WDR27: variants seen among roughly 807,000 people sequenced by gnomAD.
The protein encoded by WDR27 is WD repeat-containing protein 27.
A neutral mutation model predicts 114.4 loss-of-function variants in WDR27; 100 were observed. That is an observed-to-expected ratio of 0.87 (90% CI 0.74 to 1.03). The LOEUF (loss-of-function observed/expected upper bound fraction) is 1.03. Ranked by LOEUF, WDR27 falls within the 50% of genes least tolerant of loss-of-function variation. WDR27 has a pLI of 0.00. For missense variants in WDR27, 1,129 were observed against 1,092.9 expected (o/e 1.03, Z -0.47); for synonymous variants, 449 against 423.1 (o/e 1.06, Z -0.75).
At chr6:169,635,442 G>A (rs1258146933) in intron 19 of WDR27, among the ~76,000 whole-genome samples, 1 of 152,178 alleles carries the variant, frequency 6.6e-6, no homozygotes, top group Non-Finnish European at 1.5e-5. Context: ...CTGAGGGAGG[G>A]GCCGCAGGAG....
intron 25 of WDR27, among the ~76,000 whole-genome samples, chr6:169,554,260 G>A (rs1030930861): frequency 1.4e-4 from 21 of 152,302 alleles, no homozygotes; most frequent in African/African-American, 3.1e-4. Context: ...AGGACTCAGC[G>A]GCTGGGTGGG....
Position 169,651,988 on chromosome 6 carries a change from C to G in WDR27, c.1423G>C (p.Asp475His). Residue 475 changes from aspartate (D) to histidine (H), a missense_variant, in exon 14 of 26, where the codon GAC becomes CAC. Physicochemically the swap from Asp to His is moderately conservative, Grantham distance 81 (BLOSUM62 -1). Coordinates refer to ENST00000448612, the MANE Select transcript of WDR27 (RefSeq NM_182552.5). Reference protein sequence around the residue: ...QRRAARNVMKDQRLVFHSKVR... With the variant: ...QRRAARNVMKHQRLVFHSKVR... ...TTACTATGGAAAACCAGGCGTTGGT[C>G]CTTCATGACGTTCCGTGCAGCTGTG... The G allele has an allele frequency of 1.2e-6, 2 of 1,613,804 alleles. No individual in the cohort carries two copies. Among genetic ancestry groups the G allele is most frequent in the Non-Finnish European group, 1.7e-6 (2 of 1,179,860 alleles).
chr6:169,650,595 TCCCTCCATC>T (rs1378629877), intron 14 of WDR27, among the ~76,000 whole-genome samples: 1 of 144,434 alleles, frequency 6.9e-6, no homozygotes, highest in African/African-American at 2.6e-5. Context: ...CATCTCCCCA[TCCCTCCATC>T]CCCTCCATCC....
At chr6:169,540,592 G>A (rs1377331815) in intron 25 of WDR27, among the ~76,000 whole-genome samples, 1 of 152,032 alleles carries the variant, frequency 6.6e-6, no homozygotes, top group East Asian at 1.9e-4. Context: ...ACCATGCCCA[G>A]CTAATTTTTG....
intron 13 of WDR27, chr6:169,657,995 A>G: frequency 3.2e-6 from 1 of 310,486 alleles, no homozygotes. Flanking sequence ...TCCACTCTGC[A>G]CCCCCACTGC....
intron 25 of WDR27, among the ~76,000 whole-genome samples, chr6:169,465,788 C>T (rs1785502066): frequency 6.6e-6 from 1 of 152,042 alleles, no homozygotes; most frequent in Admixed American, 6.6e-5. Flanking sequence ...ATAAAGCAGT[C>T]ACAAAAAGAT....
chr6:169,637,128 C>T (rs1817827636), intron 18 of WDR27, among the ~76,000 whole-genome samples: 1 of 152,184 alleles, frequency 6.6e-6, no homozygotes, highest in Non-Finnish European at 1.5e-5. Flanking sequence ...GAGTTTCCTA[C>T]CATTGCCTTT....
At chr6:169,628,634 A>G (rs1405369970) in intron 21 of WDR27, among the ~76,000 whole-genome samples, 3 of 152,190 alleles carry the variant, frequency 2.0e-5, no homozygotes, top group Admixed American at 6.5e-5. Context: ...GCCTTCTCTC[A>G]TCCTCCCAGG....
intron 25 of WDR27, among the ~76,000 whole-genome samples, chr6:169,542,459 CT>C (rs1230741668): frequency 6.6e-6 from 1 of 151,994 alleles, no homozygotes; most frequent in Non-Finnish European, 1.5e-5. Flanking sequence ...TTGACTTGTA[CT>C]TTTTTAAAAT....
the WDR27 span, among the ~76,000 whole-genome samples, chr6:169,432,404 TC>T: frequency 9.1e-3 from 1,380 of 152,326 alleles, 13 homozygotes; most frequent in African/African-American, 0.031. Context: ...TTTGGCTGTG[TC>T]CCCACCCAAA....
the WDR27 span, among the ~76,000 whole-genome samples, chr6:169,435,159 A>T: frequency 6.6e-6 from 1 of 152,200 alleles, no homozygotes; most frequent in African/African-American, 2.4e-5. Context: ...GGGTGCACAG[A>T]AGTCAAGAAT....
intron 25 of WDR27, among the ~76,000 whole-genome samples, chr6:169,548,063 AT>A (rs1797674868): frequency 6.6e-6 from 1 of 152,222 alleles, no homozygotes; most frequent in African/African-American, 2.4e-5. Flanking sequence ...GGAATTTGAA[AT>A]TAAAAACACA....
chr6:169,654,107 C>A (rs958824658), intron 13 of WDR27, among the ~76,000 whole-genome samples: 1 of 152,154 alleles, frequency 6.6e-6, no homozygotes. Context: ...ACTAAAGGCC[C>A]ACTTCTCTAA....
chr6:169,635,889 G>A (rs540223153), intron 19 of WDR27, among the ~76,000 whole-genome samples: 1 of 152,254 alleles, frequency 6.6e-6, no homozygotes, highest in South Asian at 2.1e-4. Flanking sequence ...AAAGGGAAGA[G>A]GACAGGACTG....
intron 21 of WDR27, among the ~76,000 whole-genome samples, chr6:169,618,618 G>C (rs921129445): frequency 1.6e-5 from 2 of 121,368 alleles, no homozygotes; most frequent in African/African-American, 6.3e-5. Context: ...TGGTGCACTT[G>C]GATGACTGCA....
intron 25 of WDR27, among the ~76,000 whole-genome samples, chr6:169,507,075 G>A (rs1389305617): frequency 6.6e-6 from 1 of 152,140 alleles, no homozygotes; most frequent in African/African-American, 2.4e-5. Context: ...TAATGTTTTA[G>A]AAATAAAATA....
chr6:169,590,794 A>G (rs1206280363), intron 23 of WDR27, among the ~76,000 whole-genome samples: 2 of 152,256 alleles, frequency 1.3e-5, no homozygotes, highest in Non-Finnish European at 2.9e-5. Flanking sequence ...ACCAGTGGAC[A>G]GTGGTAAATA....
At chr6:169,645,028 A>T (rs866190005) in intron 16 of WDR27, among the ~76,000 whole-genome samples, 3,973 of 64,516 alleles carry the variant, frequency 0.062, 1,040 homozygotes, top group African/African-American at 0.36. Flanking sequence ...AAAAATAAAA[A>T]AAAAAAATAA....
intron 6 of WDR27, 101 bp downstream of exon 6, chr6:169,667,035 C>T (rs1828017476): frequency 7.5e-7 from 1 of 1,335,854 alleles, no homozygotes; most frequent in Middle Eastern, 1.9e-4. Flanking sequence ...CATTCAGATC[C>T]ACTCGAATGT....
Sources: gnomAD v4.1 joint callset for allele counts (sites outside exome capture counted in the v4.1 genomes callset) on GRCh38, gnomAD v4.1.1 for gene constraint, MANE v1.5 for transcripts, NCBI Gene and HGNC (gene_info 2026-07-23, HGNC 2026-07-21) for gene names.